Variants in NKD2 observed in about 807,000 individuals in gnomAD.
NKD2 encodes protein naked cuticle homolog 2.
A neutral mutation model predicts 34.8 loss-of-function variants in NKD2; 43 were observed. That is an observed-to-expected ratio of 1.24 (90% CI 0.97 to 1.60). The LOEUF (loss-of-function observed/expected upper bound fraction) is 1.60. Ranked by LOEUF, NKD2 falls within the 40% of genes most tolerant of loss-of-function variation. The pLI, the probability that NKD2 is intolerant of heterozygous loss-of-function variation, is 0.00. For missense variants in NKD2, 675 were observed against 627.1 expected, an observed-to-expected ratio of 1.08 and a Z score of -0.82; for synonymous variants, 278 against 265.1, an observed-to-expected ratio of 1.05 and a Z score of -0.47.
At chr5:1,035,202 G>T (rs1733822019) in intron 7 of NKD2, among the ~76,000 whole-genome samples, 187 bp from the exon 8 acceptor site, 1 of 151,548 alleles carries the variant, frequency 6.6e-6, no homozygotes, top group Non-Finnish European at 1.5e-5. Context: ...GAGTGAACGA[G>T]TGAGTTAATG....
At chr5:1,030,259 C>T (rs968331900) in intron 3 of NKD2, among the ~76,000 whole-genome samples, 2 of 152,018 alleles carry the variant, frequency 1.3e-5, no homozygotes, top group Non-Finnish European at 2.9e-5. Flanking sequence ...ACAGTGCCTG[C>T]GTCCCTCAGC....
rs1412163445 is a variant in NKD2, at chr5:1,009,605, G to T, written c.141+45G>T. On this transcript the variant is annotated intron_variant, in intron 3 of 9. Coordinates refer to ENST00000296849, the MANE Select transcript of NKD2 (RefSeq NM_033120.4). This position sits in a 1 kb window ranked among gnomAD's most constrained non-coding sequence, Gnocchi z 6.9. ...CTGGGGTCGCGCTGCGCACCCGCCC[G>T]GGGGCGGGGAGCGGTGTCAGAGCTG... is the stretch of plus-strand genomic sequence containing the variant. 3.6e-6 allele frequency: 5 copies of T among 1,373,552 alleles called. No individual in the cohort carries two copies. The Admixed American group carries it at 1.8e-4, about 49-fold the overall frequency. The allele number at this position is 1,373,552 out of a possible 1,614,324, so 85.1% of individuals were successfully genotyped here.
chr5:1,013,819 G>A (rs528973715), intron 3 of NKD2, among the ~76,000 whole-genome samples: 3 of 152,290 alleles, frequency 2.0e-5, no homozygotes, highest in Non-Finnish European at 2.9e-5. Context: ...CTGCCCGCTC[G>A]GGTCACTGTA....
chr5:1,009,817 G>A lies in NKD2; in HGVS notation c.141+257G>A, dbSNP rs932954778. 2.0e-5 allele frequency among the ~76,000 whole-genome samples: 3 copies of A among 152,134 alleles called. No homozygotes were observed. The highest frequency in any genetic ancestry group is 7.2e-5 in the African/African-American group (3 of 41,430). On this transcript the variant is annotated intron_variant, in intron 3 of 9. Coordinates refer to ENST00000296849, the MANE Select transcript of NKD2 (RefSeq NM_033120.4). The surrounding 1 kb of genome is among the most constrained non-coding windows in gnomAD (Gnocchi z 6.9). ...CGGAATTCCTTGTCCTAGGCTGGGAGCCGTGTGGGGGCTCCATGTTTCGGG... is the reference window on the plus strand; with the variant it reads ...CGGAATTCCTTGTCCTAGGCTGGGAACCGTGTGGGGGCTCCATGTTTCGGG...
intron 9 of NKD2, among the ~76,000 whole-genome samples, chr5:1,036,609 C>T (rs1470748421): frequency 2.6e-5 from 4 of 151,580 alleles, no homozygotes; most frequent in African/African-American, 9.7e-5. Context: ...GAAAGCAAGG[C>T]GGGCGTCCCG....
rs973027972 is a variant in NKD2 at position 1,033,500 on chromosome 5, G to A, written c.330+1G>A. 4 of 1,547,896 alleles carry A rather than the reference G, an allele frequency of 2.6e-6. No individual in the cohort carries two copies. Among genetic ancestry groups the A allele is most frequent in the Non-Finnish European group, 2.6e-6 (3 of 1,145,206 alleles). On this transcript the variant is annotated splice_donor_variant, in intron 5 of 9. Coordinates refer to ENST00000296849, the MANE Select transcript of NKD2 (RefSeq NM_033120.4). LOFTEE classifies it high-confidence loss of function. ...GGGCGGGCAGCGCCTCAACATTGAC[G>A]TGGGTCTCTCTCCGGCCTCACTTGC...
rs1467464912 is a variant in NKD2, at chr5:1,009,358, G to T, written c.62-123G>T. The T allele has an allele frequency of 1.3e-5, 9 of 718,466 alleles. No individual in the cohort carries two copies. The highest frequency in any genetic ancestry group is 1.9e-5 in the Non-Finnish European group (9 of 471,252). The allele number at this position is 718,466 out of a possible 1,614,324, so 44.5% of individuals were successfully genotyped here. ...CTCCAGGAGCGCGCGGGACCCCCAC[G>T]CCTGCCCCTGCGCGGTCTCCAGGCG... On this transcript the variant is annotated intron_variant, in intron 2 of 9. Transcript: ENST00000296849. This position sits in a 1 kb window ranked among gnomAD's most constrained non-coding sequence, Gnocchi z 6.9.
At chr5:1,013,732 G>A (rs998425244) in intron 3 of NKD2, among the ~76,000 whole-genome samples, 16 of 152,154 alleles carry the variant, frequency 1.1e-4, no homozygotes, top group African/African-American at 2.4e-4. Context: ...GGCTGCTGCC[G>A]GTGCCTGGCC....
chr5:1,036,847 C>T (rs34413936), intron 9 of NKD2: 7 of 455,660 alleles, frequency 1.5e-5, no homozygotes, highest in Non-Finnish European at 2.6e-5. Context: ...CAGACAGTGT[C>T]GACAGCAGGC....
chr5:1,028,119 G>A (rs1005634172), intron 3 of NKD2, among the ~76,000 whole-genome samples: 11 of 151,988 alleles, frequency 7.2e-5, no homozygotes, highest in African/African-American at 9.7e-5. Context: ...GCATCTTACC[G>A]TCTGGGCTGG....
intron 9 of NKD2, 124 bp downstream of exon 9, chr5:1,036,508 C>G: frequency 3.5e-6 from 2 of 577,186 alleles, no homozygotes. Context: ...CCCCAACCCC[C>G]CCCACCCCAC....
At chr5:1,015,004 C>A (rs1755892193) in intron 3 of NKD2, among the ~76,000 whole-genome samples, 1 of 152,240 alleles carries the variant, frequency 6.6e-6, no homozygotes, top group Non-Finnish European at 1.5e-5. Flanking sequence ...GTGCCTGGGC[C>A]ACCTGCTTCC....
chr5:1,013,862 G>A (rs1332302435), intron 3 of NKD2, among the ~76,000 whole-genome samples: 1 of 152,152 alleles, frequency 6.6e-6, no homozygotes, highest in Non-Finnish European at 1.5e-5. Flanking sequence ...TCTCAGTGTC[G>A]GCCCCTGTGT....
Position 1,009,314 on chromosome 5 carries a change from G to A in NKD2, c.61+100G>A. Reference sequence around the variant, plus strand: ...GCGTCCTGCCCTGGAGCCAGCAGTGGGGGGACGGGGCCGCGGGTCTCCAGG... The same window carrying A: ...GCGTCCTGCCCTGGAGCCAGCAGTGAGGGGACGGGGCCGCGGGTCTCCAGG... On this transcript the variant is annotated intron_variant, in intron 2 of 9. Transcript: ENST00000296849. The surrounding 1 kb of genome is among the most constrained non-coding windows in gnomAD (Gnocchi z 6.9). The A allele has an allele frequency of 1.9e-6, 1 of 516,340 alleles. No homozygotes were observed. The highest frequency in any genetic ancestry group is 2.9e-5 in the South Asian group (1 of 34,308). The allele number at this position is 516,340 out of a possible 1,614,324, so 32.0% of individuals were successfully genotyped here. A position where few individuals can be genotyped will look rare whatever the true frequency, so the allele number is the denominator to read the frequency against.
chr5:1,015,274 G>A (rs926234680), intron 3 of NKD2, among the ~76,000 whole-genome samples: 5 of 152,350 alleles, frequency 3.3e-5, no homozygotes, highest in South Asian at 2.1e-4. Context: ...CCTCCCTGGC[G>A]TGGCCAGGTG....
At chr5:1,031,731 C>G (rs1756651694) in intron 3 of NKD2, among the ~76,000 whole-genome samples, 1 of 152,158 alleles carries the variant, frequency 6.6e-6, no homozygotes. Context: ...GGGTCCTGGG[C>G]AGCCATGCGG....
intron 3 of NKD2, among the ~76,000 whole-genome samples, chr5:1,010,855 C>T (rs867568315): frequency 6.6e-6 from 1 of 152,234 alleles, no homozygotes; most frequent in South Asian, 2.1e-4. Flanking sequence ...CGGCCCCTGT[C>T]CATTGGCCCA....
intron 3 of NKD2, among the ~76,000 whole-genome samples, chr5:1,012,092 C>T (rs1372294706): frequency 2.0e-5 from 3 of 152,250 alleles, no homozygotes; most frequent in Non-Finnish European, 4.4e-5. Flanking sequence ...TGGCTTCAGG[C>T]CTGGGAACAG....
intron 3 of NKD2, among the ~76,000 whole-genome samples, chr5:1,026,318 G>T (rs62330239): frequency 0.48 from 8,426 of 17,410 alleles, 2,868 homozygotes; most frequent in Non-Finnish European, 0.74. Context: ...CTTCCCACCC[G>T]CTGTGGGCGT....
Sources: gnomAD v4.1 joint callset for allele counts (sites outside exome capture counted in the v4.1 genomes callset) on GRCh38, gnomAD v4.1.1 for gene constraint, Gnocchi (gnomAD v3.1) non-coding constraint, MANE v1.5 for transcripts, NCBI Gene and HGNC (gene_info 2026-07-23, HGNC 2026-07-21) for gene names.